DNAH5: variants seen among roughly 807,000 people sequenced by gnomAD.
DNAH5 encodes dynein axonemal heavy chain 5.
DNAH5 carries 372 observed loss-of-function variants against 518.2 expected under a neutral mutation model. The ratio of observed to expected loss-of-function variants is 0.72; its 90% CI spans 0.66 to 0.78. The LOEUF (loss-of-function observed/expected upper bound fraction) is 0.78, where lower values mean the gene tolerates loss of function less well. DNAH5 is among the 30% of genes least tolerant of loss of function. The pLI, the probability that DNAH5 is intolerant of heterozygous loss-of-function variation, is 0.00. For missense variants in DNAH5, 5,523 were observed against 5,687.0 expected (o/e 0.97, Z 0.93); for synonymous variants, 2,039 against 2,025.9 (o/e 1.01, Z -0.17).
In DNAH5 at chr5:13,786,181, T is replaced by C. The variant is rs932286708; in HGVS notation, c.8818A>G (p.Lys2940Glu). ...ACTACTCAGAGTGGCTACTGTACCT[T>C]GACTAAGTGAACCATGGCATCTGCA... is the stretch of plus-strand genomic sequence containing the variant. Reference protein sequence around the residue: ...FFADAMVHLVKISRVIRTPQG... With the variant: ...FFADAMVHLVEISRVIRTPQG... The change falls in exon 52 of 79, where the codon AAG becomes GAG. Residue 2940 changes from lysine (K) to glutamate (E), a missense_variant and splice_region_variant. Physicochemically the swap from Lys to Glu is moderately conservative, Grantham distance 56 (BLOSUM62 1). This residue lies in a region of DNAH5 where 5,121 missense variants were observed against 5,223.3 expected (regional missense o/e 0.98). Transcript: ENST00000265104. 2 of 1,613,782 alleles carry C rather than the reference T, an allele frequency of 1.2e-6. No homozygotes were observed. The highest frequency in any genetic ancestry group is 1.7e-6 in the Non-Finnish European group (2 of 1,179,896).
intron 75 of DNAH5, among the ~76,000 whole-genome samples, chr5:13,712,647 A>G (rs181580039): frequency 1.3e-5 from 2 of 152,308 alleles, no homozygotes; most frequent in East Asian, 3.9e-4. Flanking sequence ...AATCCCATCC[A>G]AAAGTGGGCT....
At chr5:13,839,626 A>T in intron 34 of DNAH5, 98 bp from the exon 35 acceptor site, 1 of 1,096,580 alleles carries the variant, frequency 9.1e-7, no homozygotes, top group Non-Finnish European at 1.4e-6. Context: ...GAAATAAATG[A>T]AACTCACAGA....
chr5:13,768,938 CTGTT>C lies in DNAH5; in HGVS notation c.9897+18_9897+21del, dbSNP rs1752900368. On this transcript the variant is annotated intron_variant, in intron 58 of 78. Coordinates refer to ENST00000265104, the MANE Select transcript of DNAH5 (RefSeq NM_001369.3). ...GCCTCTTAAGCCCTAAAGCTGACAT[CTGTT>C]ATATCACATAGATGCACCTGCAATG... 1.2e-6 allele frequency: 2 copies of C among 1,613,964 alleles called. No individual in the cohort carries two copies. The highest frequency in any genetic ancestry group is 8.5e-7 in the Non-Finnish European group (1 of 1,179,882).
chr5:13,870,065 T>G (rs1368819721), intron 24 of DNAH5, among the ~76,000 whole-genome samples: 2 of 152,176 alleles, frequency 1.3e-5, no homozygotes, highest in Non-Finnish European at 2.9e-5. Context: ...CATTTTCATC[T>G]GGAAAAGATA....
At chr5:13,830,807 C>A in intron 35 of DNAH5, 32 bp from the exon 36 acceptor site, 1 of 1,610,198 alleles carries the variant, frequency 6.2e-7, no homozygotes, top group Non-Finnish European at 8.5e-7. Flanking sequence ...TAGAACCAGC[C>A]CTCAGTCACC....
chr5:13,755,936 G>A (rs1750928701), intron 61 of DNAH5, among the ~76,000 whole-genome samples: 1 of 152,198 alleles, frequency 6.6e-6, no homozygotes, highest in African/African-American at 2.4e-5. Context: ...TTTGGGAGAA[G>A]AGAAAGGAGT....
chr5:13,807,386 T>C (rs1759781139), intron 47 of DNAH5, among the ~76,000 whole-genome samples: 1 of 152,240 alleles, frequency 6.6e-6, no homozygotes, highest in Non-Finnish European at 1.5e-5. Context: ...TATAAGCTTT[T>C]AATGTTTCCA....
chr5:14,009,704 C>T (rs944444142), intron 1 of DNAH5, among the ~76,000 whole-genome samples: 10 of 152,184 alleles, frequency 6.6e-5, no homozygotes, highest in Admixed American at 6.5e-5. Context: ...CTTTGATCTG[C>T]ATATGCTCAT....
intron 22 of DNAH5, 103 bp downstream of exon 22, chr5:13,876,581 G>T: frequency 7.3e-7 from 1 of 1,376,342 alleles, no homozygotes; most frequent in East Asian, 2.3e-5. Flanking sequence ...AAAGCACAGT[G>T]TGTGAGACCC....
intron 1 of DNAH5, among the ~76,000 whole-genome samples, chr5:13,985,796 GC>G (rs1049917313): frequency 2.0e-5 from 3 of 152,110 alleles, no homozygotes; most frequent in Non-Finnish European, 4.4e-5. Context: ...TTACACCACA[GC>G]CCAGTTAACA....
chr5:13,931,294 G>C (rs368116257), intron 1 of DNAH5, 50 bp from the exon 2 acceptor site: 7 of 1,608,768 alleles, frequency 4.4e-6, no homozygotes, highest in Non-Finnish European at 6.0e-6. Flanking sequence ...TTCTCAAGTG[G>C]ATTCATTTTG....
intron 76 of DNAH5, among the ~76,000 whole-genome samples, chr5:13,701,992 C>T (rs1742185043): frequency 6.6e-6 from 1 of 152,078 alleles, no homozygotes; most frequent in South Asian, 2.1e-4. Flanking sequence ...AATGTTTATC[C>T]CTTTAGAATA....
chr5:13,848,337 T>C (rs991124803), intron 31 of DNAH5, among the ~76,000 whole-genome samples: 1 of 152,188 alleles, frequency 6.6e-6, no homozygotes, highest in African/African-American at 2.4e-5. Flanking sequence ...AAAGCCTCCT[T>C]AGGTTTATGG....
In DNAH5 at chr5:13,718,893, CT is replaced by C; in HGVS notation, c.12487del (p.Arg4163GlufsTer13). ...ATTTCTGGACTCACCACTATATGTT[CT>C]TTTCAGTCCTGCCCGGAGTCCTTGT... The part of the protein sequence containing the change: ...PPQGLRAGLK[R>X]TYSGVSQDLL... On this transcript the variant is annotated frameshift_variant, in exon 72 of 79. Transcript: ENST00000265104. LOFTEE classifies it high-confidence loss of function. 6.2e-7 allele frequency: 1 copy of C among 1,612,974 alleles called. No individual in the cohort carries two copies. The highest frequency in any genetic ancestry group is 8.5e-7 in the Non-Finnish European group (1 of 1,178,922).
At chr5:13,808,135 CAGG>C (rs1212979105) in intron 46 of DNAH5, among the ~76,000 whole-genome samples, 1 of 146,572 alleles carries the variant, frequency 6.8e-6, no homozygotes. Flanking sequence ...GAGGCTGAGG[CAGG>C]AGAATTGCTT....
chr5:13,982,070 A>G (rs1169931663), intron 1 of DNAH5, among the ~76,000 whole-genome samples: 1 of 152,274 alleles, frequency 6.6e-6, no homozygotes, highest in East Asian at 1.9e-4. Flanking sequence ...AAAAAGGTCA[A>G]AATACTTCCC....
chr5:13,698,436 A>G (rs1158734570), intron 78 of DNAH5, among the ~76,000 whole-genome samples: 1 of 152,204 alleles, frequency 6.6e-6, no homozygotes, highest in Non-Finnish European at 1.5e-5. Context: ...GGGGAAATAC[A>G]GGGTTAGTTT....
intron 22 of DNAH5, among the ~76,000 whole-genome samples, chr5:13,875,206 G>A (rs530502551): frequency 3.9e-5 from 6 of 152,098 alleles, no homozygotes; most frequent in African/African-American, 7.2e-5. Context: ...GGTGGCTCAC[G>A]ACTGTAATCC....
Position 13,865,694 on chromosome 5 carries a change from G to A in DNAH5, c.4329C>T (p.Asn1443=), listed in dbSNP as rs750736449. Reference sequence around the variant, plus strand: ...TGTTCTGGAATTCTAAGAGTTCATTGTTAATTTTTTCAATATTCACCTCTG... The same window carrying A: ...TGTTCTGGAATTCTAAGAGTTCATTATTAATTTTTTCAATATTCACCTCTG... ...LWSEVNIEKI[N]NELLEFQNRC... The change falls in exon 27 of 79, where the codon AAC becomes AAT. Residue 1443 remains asparagine, a synonymous_variant. Transcript: ENST00000265104. 8.8e-6 allele frequency: 14 copies of A among 1,589,986 alleles called. No individual in the cohort carries two copies. Among genetic ancestry groups the A allele is most frequent in the South Asian group, 1.1e-5 (1 of 90,568 alleles).
Sources: allele counts gnomAD v4.1 joint callset (sites outside exome capture counted in the v4.1 genomes callset), GRCh38; gene constraint gnomAD v4.1.1; regional missense constraint gnomAD v4.1.1; transcripts MANE v1.5; gene names NCBI Gene and HGNC (gene_info 2026-07-23, HGNC 2026-07-21).